The following CCR9 variants were observed in gnomAD, a reference collection of about 807,000 sequenced individuals.
The protein encoded by CCR9 is C-C chemokine receptor type 9.
A neutral mutation model predicts 8.7 loss-of-function variants in CCR9; 4 were observed. The observed-to-expected ratio is 0.46, with a 90% CI of 0.23 to 1.06. The LOEUF is 1.06. Among genes scored for constraint, CCR9 ranks in the 50% least tolerant of loss-of-function variants. The pLI, the probability that CCR9 is intolerant of heterozygous loss-of-function variation, is 0.21. For missense variants in CCR9, 394 were observed against 453.6 expected, an observed-to-expected ratio of 0.87 and a Z score of 1.19; for synonymous variants, 159 against 168.8, an observed-to-expected ratio of 0.94 and a Z score of 0.45.
At position 45,901,568 on chromosome 3, in the gene CCR9, G is replaced by C; in HGVS notation, c.780G>C (p.Leu260=). Residue 260 remains leucine, a synonymous_variant, in exon 3 of 3, where the codon CTG becomes CTC. Coordinates refer to ENST00000357632, the MANE Select transcript of CCR9 (RefSeq NM_031200.3). The surrounding 1 kb of genome is among the most constrained non-coding windows in gnomAD (Gnocchi z 4.3). ...HKALKVTITV[L]TVFVLSQFPY... ...CCCTAAAAGTGACCATCACTGTCCTGACCGTCTTTGTCTTGTCTCAGTTTC... is the reference window on the plus strand; with the variant it reads ...CCCTAAAAGTGACCATCACTGTCCTCACCGTCTTTGTCTTGTCTCAGTTTC... The C allele has an allele frequency of 6.2e-6, 10 of 1,614,188 alleles. No individual in the cohort carries two copies. The highest frequency in any genetic ancestry group is 8.5e-6 in the Non-Finnish European group (10 of 1,180,030).
chr3:45,886,207 A>G (rs1240576545), upstream of CCR9, among the ~76,000 whole-genome samples: 1 of 152,138 alleles, frequency 6.6e-6, no homozygotes, highest in Non-Finnish European at 1.5e-5. Flanking sequence ...CACCACCTAA[A>G]GAAATCTCAT....
In CCR9 at chr3:45,900,684, C is replaced by G. The variant is rs72890685; in HGVS notation, c.22-126C>G. 1.7e-3 allele frequency: 1,509 copies of G among 863,072 alleles called. 17 individuals are homozygous for G. The African/African-American group carries it at 0.02, about 11-fold the overall frequency. The allele number at this position is 863,072 out of a possible 1,614,324, so 53.5% of individuals were successfully genotyped here. On this transcript the variant is annotated intron_variant, in intron 2 of 2. Transcript: ENST00000357632. This position sits in a 1 kb window ranked among gnomAD's most constrained non-coding sequence, Gnocchi z 4.7. ...ACCCAAGCAGATGTCCTCAGAATGC[C>G]TATGTGTCTTTGGCCTTATCATAGG...
chr3:45,897,746 C>G lies in CCR9; in HGVS notation c.21+2792C>G, dbSNP rs73830609. ...TCCTTCTGCCAAGCATGCCCTCTTT[C>G]CTCCCTTGCCTTCTTCTTTCTTCCT... On this transcript the variant is annotated intron_variant, in intron 2 of 2. Transcript: ENST00000357632. 2.7e-3 allele frequency: 1,729 copies of G among 637,422 alleles called. 9 individuals carry two copies. Among genetic ancestry groups the G allele is most frequent in the Middle Eastern group, 0.013 (52 of 3,974 alleles). 39.5% of individuals were successfully genotyped at this position (637,422 alleles called of 1,614,324 possible). A position where few individuals can be genotyped will look rare whatever the true frequency, so the allele number is the denominator to read the frequency against.
intron 1 of CCR9, among the ~76,000 whole-genome samples, chr3:45,890,273 T>TAAATATATATATAAC (rs1559421352): frequency 0.021 from 437 of 20,854 alleles, 34 homozygotes; most frequent in South Asian, 0.064. Context: ...ATATATAACA[T>TAAATATATATATAAC]ATATATATAT....
intron 2 of CCR9, among the ~76,000 whole-genome samples, chr3:45,897,220 A>C (rs1702383801): frequency 6.6e-6 from 1 of 152,176 alleles, no homozygotes; most frequent in African/African-American, 2.4e-5. Context: ...CAAAACTATG[A>C]GTGTGAGTCA....
chr3:45,890,262 TATATATAAC>T (rs56728009), intron 1 of CCR9, among the ~76,000 whole-genome samples: 571 of 1,378 alleles, frequency 0.41, 176 homozygotes, highest in African/African-American at 0.47. Context: ...ATTAGAAATA[TATATATAAC>T]ATATATATAT....
At chr3:45,890,990 A>G (rs1388861160) in intron 1 of CCR9, among the ~76,000 whole-genome samples, 1 of 152,244 alleles carries the variant, frequency 6.6e-6, no homozygotes, top group South Asian at 2.1e-4. Flanking sequence ...AAAACAACAG[A>G]AAGTTAAAAG....
intron 1 of CCR9, among the ~76,000 whole-genome samples, chr3:45,893,133 C>G (rs1702241399): frequency 6.6e-6 from 1 of 151,834 alleles, no homozygotes; most frequent in Non-Finnish European, 1.5e-5. Flanking sequence ...CCCTCCCACA[C>G]TCCCCTTCCC....
At position 45,901,304 on chromosome 3, in the gene CCR9, C is replaced by G. The variant is rs559576247; in HGVS notation, c.516C>G (p.Ile172Met). 12 of 1,614,200 alleles carry G rather than the reference C, an allele frequency of 7.4e-6. No individual in the cohort carries two copies. The South Asian group carries it at 1.3e-4, about 18-fold the overall frequency. Residue 172 changes from isoleucine to methionine, a missense_variant, in exon 3 of 3, where the codon ATC becomes ATG. Physicochemically the swap from Ile to Met is conservative, Grantham distance 10 (BLOSUM62 1). Transcript: ENST00000357632. This position sits in a 1 kb window ranked among gnomAD's most constrained non-coding sequence, Gnocchi z 4.3. ...LLYSKMVCFT[I>M]WVLAAALCIP... Reference sequence around the variant, plus strand: ...ACAGCAAAATGGTTTGCTTTACCATCTGGGTATTGGCAGCTGCTCTCTGCA... The same window carrying G: ...ACAGCAAAATGGTTTGCTTTACCATGTGGGTATTGGCAGCTGCTCTCTGCA...
chr3:45,900,272 T>C lies in CCR9; in HGVS notation c.22-538T>C, dbSNP rs1271923077. 6.6e-6 allele frequency among the ~76,000 whole-genome samples: 1 copy of C among 152,178 alleles called. No individual in the cohort carries two copies. Among genetic ancestry groups the C allele is most frequent in the Non-Finnish European group, 1.5e-5 (1 of 68,022 alleles). On this transcript the variant is annotated intron_variant, in intron 2 of 2. Coordinates refer to ENST00000357632, the MANE Select transcript of CCR9 (RefSeq NM_031200.3). The surrounding 1 kb of genome is among the most constrained non-coding windows in gnomAD (Gnocchi z 4.7). ...GAGAGTGTCTGTGTGTGTATGTGTA[T>C]GTGCATGTGTATGTGGGTGTATGCT...
chr3:45,901,264 A>G lies in CCR9; in HGVS notation c.476A>G (p.Glu159Gly), dbSNP rs1200421741. The change falls in exon 3 of 3, where the codon GAG (glutamate) becomes GGG (glycine). Residue 159 changes from glutamate to glycine, a missense_variant. Transcript: ENST00000357632. This position sits in a 1 kb window ranked among gnomAD's most constrained non-coding sequence, Gnocchi z 4.3. ...GCCATGAGAGCACATACTTGGAGGG[A>G]GAAAAGGCTTTTGTACAGCAAAATG... Reference protein sequence around the residue: ...AQAMRAHTWREKRLLYSKMVC... With the variant: ...AQAMRAHTWRGKRLLYSKMVC... 3 of 1,614,078 alleles carry G rather than the reference A, an allele frequency of 1.9e-6. No individual in the cohort carries two copies. The highest frequency in any genetic ancestry group is 2.5e-6 in the Non-Finnish European group (3 of 1,180,044).
At chr3:45,890,317 T>TATATATATAACATATATATA (rs1314296937) in intron 1 of CCR9, among the ~76,000 whole-genome samples, 1 of 61,368 alleles carries the variant, frequency 1.6e-5, no homozygotes, top group Non-Finnish European at 2.9e-5. Context: ...ATATATATAT[T>TATATATATAACATATATATA]TATATAAATA....
At chr3:45,895,095 T>C in intron 2 of CCR9, 141 bp downstream of exon 2, 1 of 874,584 alleles carries the variant, frequency 1.1e-6, no homozygotes, top group Non-Finnish European at 1.9e-6. Flanking sequence ...CAATGCGCAT[T>C]GCTGGGTAGG....
intron 1 of CCR9, among the ~76,000 whole-genome samples, chr3:45,894,584 A>G (rs1702291657): frequency 6.6e-6 from 1 of 152,216 alleles, no homozygotes; most frequent in South Asian, 2.1e-4. Context: ...GGAAAAATGT[A>G]ACAGCCCACC....
chr3:45,890,350 C>CATATATATATATAACATAT lies in CCR9; in HGVS notation c.-29+3708_-29+3709insACATATATATATATATATA, dbSNP rs1559421663. ...ATATATATATAACATATATATATAA[C>CATATATATATATAACATAT]ATATATATATATATAACATATATAA... is the stretch of plus-strand genomic sequence containing the variant. On this transcript the variant is annotated intron_variant, in intron 1 of 2. Coordinates refer to ENST00000357632, the MANE Select transcript of CCR9 (RefSeq NM_031200.3). Among the ~76,000 whole-genome samples the CATATATATATATAACATAT allele has an allele frequency of 9.5e-3, 220 of 23,074 alleles. 79 individuals are homozygous for CATATATATATATAACATAT. The highest frequency in any genetic ancestry group is 0.034 in the African/African-American group (195 of 5,736). 15.1% of individuals were successfully genotyped at this position (23,074 alleles called of 152,430 possible).
chr3:45,895,174 C>T, intron 2 of CCR9: 1 of 575,106 alleles, frequency 1.7e-6, no homozygotes. Context: ...GTTGTGGAGA[C>T]AGAGGAAAAT....
At position 45,899,130 on chromosome 3, in the gene CCR9, C is replaced by A. The variant is rs1465822990; in HGVS notation, c.22-1680C>A. On this transcript the variant is annotated intron_variant, in intron 2 of 2. Transcript: ENST00000357632. ...GCAGTGAGCCGAGATGGCGCCATTGCACTCCAGCCTGGGAAGCAAGAGCAA... is the reference window on the plus strand; with the variant it reads ...GCAGTGAGCCGAGATGGCGCCATTGAACTCCAGCCTGGGAAGCAAGAGCAA... Among the ~76,000 whole-genome samples the A allele has an allele frequency of 4.6e-5, 7 of 152,344 alleles. No individual in the cohort carries two copies. In the East Asian group the frequency reaches 1.3e-3, roughly 29 times the overall value.
chr3:45,895,897 T>TA (rs1702339529), intron 2 of CCR9, among the ~76,000 whole-genome samples: 1 of 152,238 alleles, frequency 6.6e-6, no homozygotes, highest in African/African-American at 2.4e-5. Context: ...GCCTGGGTTT[T>TA]ACATGTAGAT....
At chr3:45,898,952 G>C (rs1702458559) in intron 2 of CCR9, among the ~76,000 whole-genome samples, 1 of 152,194 alleles carries the variant, frequency 6.6e-6, no homozygotes, top group South Asian at 2.1e-4. Context: ...TGGATTACGA[G>C]GTCAGAAGTT....
Sources: gnomAD v4.1 joint callset for allele counts (sites outside exome capture counted in the v4.1 genomes callset) on GRCh38, gnomAD v4.1.1 for gene constraint, Gnocchi (gnomAD v3.1) non-coding constraint, MANE v1.5 for transcripts, NCBI Gene and HGNC (gene_info 2026-07-23, HGNC 2026-07-21) for gene names.